Variants in ABR observed in about 807,000 individuals in gnomAD.
ABR encodes ABR activator of RhoGEF and GTPase.
ABR carries 35 observed loss-of-function variants against 107.2 expected under a neutral mutation model. The ratio of observed to expected loss-of-function variants is 0.33; its 90% confidence interval spans 0.25 to 0.43. The LOEUF is 0.43. Ranked by LOEUF, ABR falls within the 20% of genes least tolerant of loss-of-function variation. The probability of loss-of-function intolerance (pLI) is 1.00; values close to 1 mark genes in which losing one functional copy is unlikely to be tolerated. For missense variants in ABR, 815 were observed against 1,115.2 expected, an observed-to-expected ratio of 0.73 and a Z score of 3.83; for synonymous variants, 498 against 462.0, an observed-to-expected ratio of 1.08 and a Z score of -1.00.
chr17:1,098,736 C>T (rs1321725633), intron 3 of ABR, among the ~76,000 whole-genome samples: 2 of 152,200 alleles, frequency 1.3e-5, no homozygotes, highest in Non-Finnish European at 2.9e-5. Flanking sequence ...AAAACAGCTC[C>T]GTACACACAG....
At chr17:1,178,758 C>A (rs1358799077) in intron 1 of ABR, among the ~76,000 whole-genome samples, 1 of 151,106 alleles carries the variant, frequency 6.6e-6, no homozygotes, top group Non-Finnish European at 1.5e-5. Flanking sequence ...GGAGGACCCT[C>A]TTCCTAATCC....
intron 2 of ABR, chr17:1,108,959 C>G: frequency 6.3e-7 from 1 of 1,596,438 alleles, no homozygotes; most frequent in Non-Finnish European, 8.5e-7. Flanking sequence ...GAAGGGGGAC[C>G]CTGAGCCGGG....
intron 1 of ABR, among the ~76,000 whole-genome samples, chr17:1,176,025 A>C (rs2041907287): frequency 6.6e-6 from 1 of 151,926 alleles, no homozygotes; most frequent in African/African-American, 2.4e-5. Flanking sequence ...TGGGAGGTGG[A>C]GCTTGCAGCG....
rs2070439725 is a variant in ABR at position 1,010,499 on chromosome 17, G to A, written c.2236+230C>T. The A allele has an allele frequency of 3.5e-6, 2 of 576,478 alleles. No individual in the cohort carries two copies. Among genetic ancestry groups the A allele is most frequent in the Admixed American group, 3.1e-5 (1 of 31,780 alleles). 35.7% of individuals were successfully genotyped at this position (576,478 alleles called of 1,614,324 possible). On this transcript the variant is annotated intron_variant, in intron 20 of 22. Coordinates refer to ENST00000302538, the MANE Select transcript of ABR (RefSeq NM_021962.5). This position sits in a 1 kb window ranked among gnomAD's most constrained non-coding sequence, Gnocchi z 4.1. ...GTCCAAATAGGAAGCAGAAGGGGCT[G>A]CCCATGGGGACATCAGGGGCAAGAG... is the stretch of plus-strand genomic sequence containing the variant.
At chr17:1,191,057 C>T (rs945857615), upstream of ABR, among the ~76,000 whole-genome samples, 23 of 152,184 alleles carry the variant, frequency 1.5e-4, no homozygotes, top group Admixed American at 9.2e-4. Context: ...CACGCCGGCC[C>T]GAGGGCGCTA....
intron 7 of ABR, among the ~76,000 whole-genome samples, 198 bp from the exon 8 acceptor site, chr17:1,072,952 G>A (rs1162413845): frequency 3.3e-5 from 5 of 152,108 alleles, no homozygotes; most frequent in East Asian, 1.9e-4. Context: ...AGGCCGAGGC[G>A]GGGGATCTCT....
At chr17:1,161,767 C>T (rs897048316) in intron 1 of ABR, among the ~76,000 whole-genome samples, 10 of 152,110 alleles carry the variant, frequency 6.6e-5, no homozygotes, top group African/African-American at 2.4e-4. Context: ...GTTGGCCAGG[C>T]TGGTCTCAAA....
At chr17:1,046,790 G>A (rs1005832051) in intron 16 of ABR, among the ~76,000 whole-genome samples, 11 of 152,206 alleles carry the variant, frequency 7.2e-5, no homozygotes, top group African/African-American at 2.7e-4. Flanking sequence ...CTTGGCCAAG[G>A]TACTTAACCT....
intron 10 of ABR, among the ~76,000 whole-genome samples, chr17:1,065,276 C>T (rs12943199): frequency 6.4e-3 from 48 of 7,530 alleles, no homozygotes; most frequent in Middle Eastern, 0.071. Context: ...ACTGCTGTTA[C>T]GTGAACTGAG....
At chr17:1,014,614 G>A (rs1312271917) in intron 16 of ABR, among the ~76,000 whole-genome samples, 6 of 148,184 alleles carry the variant, frequency 4.0e-5, no homozygotes, top group East Asian at 2.1e-4. Context: ...CGAGGGAGGC[G>A]GATCACGAGG....
chr17:1,032,601 C>A lies in ABR; in HGVS notation c.1791+17449G>T, dbSNP rs1373466667. 5.4e-5 allele frequency among the ~76,000 whole-genome samples: 7 copies of A among 129,504 alleles called. No individual in the cohort carries two copies. In the East Asian group the frequency reaches 1.7e-3, roughly 31 times the overall value. 85.0% of individuals were successfully genotyped at this position (129,504 alleles called of 152,430 possible). A position where few individuals can be genotyped will look rare whatever the true frequency, so the allele number is the denominator to read the frequency against. ...GCGCAGAGGACGCCACGGGCAACCACCCGCGTCCGTGCTGGGCGCAGAGGA... is the reference window on the plus strand; with the variant it reads ...GCGCAGAGGACGCCACGGGCAACCAACCGCGTCCGTGCTGGGCGCAGAGGA... On this transcript the variant is annotated intron_variant, in intron 16 of 22. Coordinates refer to ENST00000302538, the MANE Select transcript of ABR (RefSeq NM_021962.5).
intron 21 of ABR, among the ~76,000 whole-genome samples, chr17:1,008,781 G>A (rs889476591): frequency 2.0e-5 from 3 of 152,232 alleles, no homozygotes; most frequent in African/African-American, 7.2e-5. Context: ...CGGTCCTGGC[G>A]TGCAGGTGGG....
intron 1 of ABR, among the ~76,000 whole-genome samples, chr17:1,175,928 A>G (rs1218553779): frequency 6.6e-6 from 1 of 151,940 alleles, no homozygotes; most frequent in Non-Finnish European, 1.5e-5. Context: ...CGTCTCTACT[A>G]AAAACACAAA....
chr17:1,108,922 T>A (rs1332383814), intron 2 of ABR: 3 of 1,583,380 alleles, frequency 1.9e-6, no homozygotes, highest in Non-Finnish European at 2.6e-6. Flanking sequence ...CCAGGGCGTG[T>A]CACGCTCCCA....
In ABR at chr17:1,157,448, A is replaced by G. The variant is rs2151554170; in HGVS notation, c.61+22219T>C. ...ATATTTTTAATAGAGACAGGGTCTC[A>G]CCATGTTGGCCAGGCTGGTCTCGAA... On this transcript the variant is annotated intron_variant, in intron 1 of 22. Coordinates refer to ENST00000302538, the MANE Select transcript of ABR (RefSeq NM_021962.5). This position sits in a 1 kb window ranked among gnomAD's most constrained non-coding sequence, Gnocchi z 4.7. 6.6e-6 allele frequency among the ~76,000 whole-genome samples: 1 copy of G among 152,190 alleles called. No individual in the cohort carries two copies. The highest frequency in any genetic ancestry group is 1.5e-5 in the Non-Finnish European group (1 of 67,996).
intron 1 of ABR, among the ~76,000 whole-genome samples, chr17:1,213,116 G>T (rs112714497): frequency 1.4e-3 from 216 of 152,288 alleles, no homozygotes; most frequent in African/African-American, 4.8e-3. Flanking sequence ...GCCCAGAAAC[G>T]AAAGCTGGTT....
chr17:1,017,200 A>T (rs1419289281), intron 16 of ABR, among the ~76,000 whole-genome samples: 1 of 152,092 alleles, frequency 6.6e-6, no homozygotes, highest in Non-Finnish European at 1.5e-5. Flanking sequence ...CAGGGGTCCT[A>T]CAGGGTCTCA....
At chr17:1,207,442 G>GAGTT in intron 1 of ABR, among the ~76,000 whole-genome samples, 2 of 152,048 alleles carry the variant, frequency 1.3e-5, no homozygotes, top group Middle Eastern at 6.8e-3. Context: ...CTGAGCTCAG[G>GAGTT]AGTTCGAGAC....
intron 1 of ABR, among the ~76,000 whole-genome samples, chr17:1,138,055 C>G (rs1292480936): frequency 6.6e-6 from 1 of 151,668 alleles, no homozygotes; most frequent in Non-Finnish European, 1.5e-5. Context: ...TGCCCACCAC[C>G]AACACCCGGC....
Sources: allele counts gnomAD v4.1 joint callset (sites outside exome capture counted in the v4.1 genomes callset), GRCh38; gene constraint gnomAD v4.1.1; non-coding constraint Gnocchi (gnomAD v3.1); transcripts MANE v1.5; gene names NCBI Gene and HGNC (gene_info 2026-07-23, HGNC 2026-07-21).